HS2ST1: variants seen among roughly 807,000 people sequenced by gnomAD.
The protein encoded by HS2ST1 is 2-O-sulfotransferase.
In HS2ST1, 18 loss-of-function variants were observed where a neutral mutation model predicts 42.9. The observed-to-expected ratio is 0.42, with a 90% CI of 0.29 to 0.62. The LOEUF (loss-of-function observed/expected upper bound fraction) is 0.62. Among genes scored for constraint, HS2ST1 ranks in the 20% least tolerant of loss-of-function variants. HS2ST1 has a pLI of 0.21. For synonymous variants in HS2ST1, 146 were observed against 152.9 expected (o/e 0.95, Z 0.33); for missense variants, 334 against 433.8 (o/e 0.77, Z 2.04).
intron 1 of HS2ST1, among the ~76,000 whole-genome samples, chr1:87,020,619 C>G (rs970971915): frequency 3.0e-4 from 45 of 152,144 alleles, no homozygotes; most frequent in African/African-American, 9.9e-4. Flanking sequence ...AAACATCTGA[C>G]AGTTTTGGAG....
At chr1:87,088,623 C>T (rs1319873758) in intron 3 of HS2ST1, among the ~76,000 whole-genome samples, 1 of 151,980 alleles carries the variant, frequency 6.6e-6, no homozygotes, top group Non-Finnish European at 1.5e-5. Flanking sequence ...TAAGAAACTG[C>T]CAAACTGTTT....
At chr1:86,929,649 C>T (rs1272368706) in intron 1 of HS2ST1, among the ~76,000 whole-genome samples, 1 of 151,412 alleles carries the variant, frequency 6.6e-6, no homozygotes, top group Non-Finnish European at 1.5e-5. Flanking sequence ...TGTTTATGTG[C>T]GTATACATAT....
intron 1 of HS2ST1, among the ~76,000 whole-genome samples, chr1:87,003,023 G>A (rs1649337288): frequency 6.6e-6 from 1 of 152,234 alleles, no homozygotes; most frequent in Non-Finnish European, 1.5e-5. Context: ...CTATCTACTT[G>A]TATAAGCAAG....
intron 1 of HS2ST1, among the ~76,000 whole-genome samples, chr1:86,988,876 T>G (rs1396628925): frequency 1.3e-5 from 2 of 152,258 alleles, no homozygotes; most frequent in Non-Finnish European, 2.9e-5. Flanking sequence ...TTATTTGGCT[T>G]GGAGATTGGG....
At chr1:87,102,612 C>G (rs1432696997) in intron 5 of HS2ST1, among the ~76,000 whole-genome samples, 2 of 152,130 alleles carry the variant, frequency 1.3e-5, no homozygotes, top group Non-Finnish European at 2.9e-5. Context: ...AAAAAGTTTG[C>G]CAATCCCTGC....
rs573262734 is a variant in HS2ST1 at position 87,010,606 on chromosome 1, A to T, written c.125-62328A>T. Among the ~76,000 whole-genome samples, 7 of 152,206 alleles carry T rather than the reference A, an allele frequency of 4.6e-5. No homozygotes were observed. In the East Asian group the frequency reaches 1.4e-3, roughly 29 times the overall value. ...AACATTTTTATTTTTCATGTTAGAT[A>T]TTTTCATATGTAGACTAATACTAGA... On this transcript the variant is annotated intron_variant, in intron 1 of 6. Transcript: ENST00000370550.
intron 4 of HS2ST1, among the ~76,000 whole-genome samples, chr1:87,096,407 C>T (rs1652067979): frequency 6.6e-6 from 1 of 152,150 alleles, no homozygotes. Flanking sequence ...TTTTGTTATA[C>T]AGCGTTAAAA....
intron 1 of HS2ST1, among the ~76,000 whole-genome samples, chr1:86,962,843 C>A (rs1647888198): frequency 6.6e-6 from 1 of 152,050 alleles, no homozygotes; most frequent in Admixed American, 6.6e-5. Context: ...TTTTCCCAAG[C>A]ATTCTCTAAA....
chr1:87,000,046 G>A (rs1249181323), intron 1 of HS2ST1, among the ~76,000 whole-genome samples: 1 of 151,646 alleles, frequency 6.6e-6, no homozygotes, highest in Non-Finnish European at 1.5e-5. Flanking sequence ...TTTTGTTTCT[G>A]TGTTTTCAGT....
chr1:86,951,953 A>T (rs1246824332), intron 1 of HS2ST1, among the ~76,000 whole-genome samples: 2 of 152,220 alleles, frequency 1.3e-5, no homozygotes, highest in Admixed American at 6.5e-5. Flanking sequence ...AAATTGCAGG[A>T]ATTCAGTCAC....
intron 1 of HS2ST1, among the ~76,000 whole-genome samples, chr1:87,044,502 T>C (rs1181319489): frequency 6.6e-6 from 1 of 152,226 alleles, no homozygotes; most frequent in Non-Finnish European, 1.5e-5. Flanking sequence ...CATTTGATAC[T>C]TCTTTGAATC....
chr1:87,060,579 A>C (rs1406203779), intron 1 of HS2ST1, among the ~76,000 whole-genome samples: 1 of 152,182 alleles, frequency 6.6e-6, no homozygotes, highest in Non-Finnish European at 1.5e-5. Flanking sequence ...TATATAAACC[A>C]CAACACAGCA....
chr1:86,966,559 T>C (rs965937868), intron 1 of HS2ST1, among the ~76,000 whole-genome samples: 2 of 152,250 alleles, frequency 1.3e-5, no homozygotes, highest in African/African-American at 4.8e-5. Context: ...AAATAAAACT[T>C]TAATATGAAC....
At chr1:87,084,155 C>T in intron 2 of HS2ST1, 39 bp from the exon 3 acceptor site, 2 of 1,270,514 alleles carry the variant, frequency 1.6e-6, no homozygotes, top group Non-Finnish European at 2.2e-6. Context: ...ATTTCATTTT[C>T]TTTAAATTGT....
intron 1 of HS2ST1, among the ~76,000 whole-genome samples, chr1:86,955,843 G>A (rs546896785): frequency 7.9e-5 from 12 of 152,080 alleles, no homozygotes; most frequent in African/African-American, 2.4e-4. Flanking sequence ...TAAATTATAC[G>A]TGCATGGGTG....
At chr1:86,924,312 G>A (rs112635467) in intron 1 of HS2ST1, among the ~76,000 whole-genome samples, 3,592 of 152,306 alleles carry the variant, frequency 0.024, 75 homozygotes, top group African/African-American at 0.049. Context: ...CTGGCATTGA[G>A]TGTCTGTGGC....
At chr1:86,961,428 C>T (rs566288909) in intron 1 of HS2ST1, among the ~76,000 whole-genome samples, 1 of 151,688 alleles carries the variant, frequency 6.6e-6, no homozygotes, top group South Asian at 2.1e-4. Context: ...GAAATGATTA[C>T]CGGAAGGATA....
At chr1:87,084,332 A>G (rs1651764551) in intron 3 of HS2ST1, 53 bp downstream of exon 3, 4 of 940,006 alleles carry the variant, frequency 4.3e-6, no homozygotes, top group Non-Finnish European at 6.6e-6. Flanking sequence ...CTAGTAACCT[A>G]AAAAGGAATA....
intron 2 of HS2ST1, among the ~76,000 whole-genome samples, chr1:87,082,628 A>G (rs1478191911): frequency 6.6e-6 from 1 of 152,238 alleles, no homozygotes; most frequent in African/African-American, 2.4e-5. Flanking sequence ...CCAAAGGTTT[A>G]TAGGAAATAA....
Sources: gnomAD v4.1 joint callset for allele counts (sites outside exome capture counted in the v4.1 genomes callset) on GRCh38, gnomAD v4.1.1 for gene constraint, MANE v1.5 for transcripts, NCBI Gene and HGNC (gene_info 2026-07-23, HGNC 2026-07-21) for gene names.